The following C20orf96 variants were observed in gnomAD, a reference collection of about 807,000 sequenced individuals.
C20orf96 encodes chromosome 20 open reading frame 96.
A neutral mutation model predicts 52.6 loss-of-function variants in C20orf96; 57 were observed. The ratio of observed to expected loss-of-function variants is 1.08; its 90% CI spans 0.88 to 1.35. The LOEUF (loss-of-function observed/expected upper bound fraction) is 1.35, where lower values mean the gene tolerates loss of function less well. Ranked by LOEUF, C20orf96 falls within the 40% of genes most tolerant of loss-of-function variation. The pLI, the probability that C20orf96 is intolerant of heterozygous loss-of-function variation, is 0.00. For missense variants in C20orf96, 478 were observed against 443.6 expected, an observed-to-expected ratio of 1.08 and a Z score of -0.70; for synonymous variants, 168 against 157.2, an observed-to-expected ratio of 1.07 and a Z score of -0.51.
At position 278,384 on chromosome 20, in the gene C20orf96, G is replaced by A. The variant is rs1340308451; in HGVS notation, c.511C>T (p.Gln171Ter). The A allele has an allele frequency of 6.2e-7, 1 of 1,613,798 alleles. No individual in the cohort carries two copies. The highest frequency in any genetic ancestry group is 8.5e-7 in the Non-Finnish European group (1 of 1,179,932). ...CACTCCTGAAGCTCAGATTTCAATT[G>A]CTGCAGCCTCTTCTTGTTTGAGTAC... ...LEYSNKKRLQ[Q>*]LKSELQEWEE... Residue 171 changes from glutamine to a stop codon, truncating the protein, a stop_gained, in exon 6 of 11, where the codon CAA becomes TAA. Transcript: ENST00000360321. LOFTEE classifies it high-confidence loss of function.
intron 4 of C20orf96, among the ~76,000 whole-genome samples, chr20:279,751 C>T (rs2012200888): frequency 6.6e-6 from 1 of 152,132 alleles, no homozygotes; most frequent in Non-Finnish European, 1.5e-5. Flanking sequence ...GTGGGCCGAT[C>T]ACGAGGTCAA....
intron 3 of C20orf96, among the ~76,000 whole-genome samples, chr20:287,289 T>C (rs745698154): frequency 3.3e-5 from 5 of 152,230 alleles, no homozygotes; most frequent in African/African-American, 9.6e-5. Context: ...CCACCAGCAA[T>C]TGCGCACAAT....
chr20:274,316 T>C (rs2011947760), intron 10 of C20orf96, among the ~76,000 whole-genome samples: 2 of 152,058 alleles, frequency 1.3e-5, no homozygotes, highest in African/African-American at 4.8e-5. Context: ...AAAGGGGGTA[T>C]GACCACCAGA....
At chr20:280,459 T>G (rs2012224310) in intron 4 of C20orf96, among the ~76,000 whole-genome samples, 1 of 152,256 alleles carries the variant, frequency 6.6e-6, no homozygotes, top group African/African-American at 2.4e-5. Flanking sequence ...TGTGCCTTGC[T>G]CTGCAGGTGG....
chr20:277,463 G>A lies in C20orf96; in HGVS notation c.566-80C>T, dbSNP rs571449004. 8.7e-6 allele frequency: 13 copies of A among 1,486,978 alleles called. No homozygotes were observed. In the East Asian group the frequency reaches 2.3e-4, roughly 26 times the overall value. 92.1% of individuals were successfully genotyped at this position (1,486,978 alleles called of 1,614,324 possible). ...CACCTGGGCCCCAGGAGGCCCAGGA[G>A]GCAAGGTCTCCTTGGCCAGTAACTG... On this transcript the variant is annotated intron_variant, in intron 6 of 10. Coordinates refer to ENST00000360321, the MANE Select transcript of C20orf96 (RefSeq NM_153269.3).
intron 3 of C20orf96, among the ~76,000 whole-genome samples, chr20:289,066 G>GTT (rs1054119759): frequency 6.6e-6 from 1 of 152,064 alleles, no homozygotes; most frequent in African/African-American, 2.4e-5. Context: ...ACCAAACCTT[G>GTT]TTTTCTTTTC....
In C20orf96 at chr20:283,431, G is replaced by A. The variant is rs1033275482; in HGVS notation, c.306+532C>T. On this transcript the variant is annotated intron_variant, in intron 4 of 10. Transcript: ENST00000360321. ...CCGGTCTCCTGCCTCAGCCTCCCGA[G>A]TAGCTGGGACTACAGGTGCGTGCTA... Among the ~76,000 whole-genome samples the A allele has an allele frequency of 7.9e-5, 12 of 152,122 alleles. No homozygotes were observed. In the East Asian group the frequency reaches 2.1e-3, roughly 27 times the overall value.
intron 6 of C20orf96, 61 bp from the exon 7 acceptor site, chr20:277,444 G>A: frequency 6.4e-7 from 1 of 1,573,002 alleles, no homozygotes; most frequent in Admixed American, 1.8e-5. Flanking sequence ...CAAGCACCTG[G>A]GCCCCAGGAG....
At chr20:282,623 C>G (rs190295771) in intron 4 of C20orf96, among the ~76,000 whole-genome samples, 144 of 152,294 alleles carry the variant, frequency 9.5e-4, no homozygotes, top group African/African-American at 3.3e-3. Context: ...ATAATCCCAG[C>G]ACTTTGGGAG....
chr20:276,995 TG>T (rs1156286097), intron 8 of C20orf96, 48 bp downstream of exon 8: 2 of 1,593,766 alleles, frequency 1.3e-6, no homozygotes, highest in East Asian at 4.5e-5. Flanking sequence ...GAGGGCGGGG[TG>T]GGGGTGAGAC....
At chr20:282,037 T>C (rs1327134165) in intron 4 of C20orf96, among the ~76,000 whole-genome samples, 1 of 152,162 alleles carries the variant, frequency 6.6e-6, no homozygotes, top group Non-Finnish European at 1.5e-5. Context: ...AGAGCTGTCA[T>C]CCTTGAAGTC....
At chr20:290,211 G>C (rs537650032) in intron 2 of C20orf96, 48 bp downstream of exon 2, 17 of 1,446,328 alleles carry the variant, frequency 1.2e-5, no homozygotes, top group Non-Finnish European at 1.6e-5. Context: ...CAGGTGGACT[G>C]CAGGGCCAGC....
intron 10 of C20orf96, 116 bp downstream of exon 10, chr20:275,851 CT>C (rs1409002875): frequency 1.5e-5 from 14 of 938,172 alleles, no homozygotes; most frequent in Non-Finnish European, 2.1e-5. Flanking sequence ...AGGACCGCCC[CT>C]CCCTCCCTGT....
chr20:271,705 G>A (rs1025127263), intron 10 of C20orf96, among the ~76,000 whole-genome samples: 2 of 152,156 alleles, frequency 1.3e-5, no homozygotes, highest in East Asian at 1.9e-4. Context: ...TGGCACTTAA[G>A]TGAAAAGCAC....
intron 3 of C20orf96, among the ~76,000 whole-genome samples, chr20:285,143 G>A (rs761303793): frequency 6.6e-6 from 1 of 152,110 alleles, no homozygotes; most frequent in Non-Finnish European, 1.5e-5. Context: ...AACACCAGAC[G>A]AAGGCACAGC....
intron 3 of C20orf96, among the ~76,000 whole-genome samples, chr20:287,908 C>CAAAAAAAAA (rs71327437): frequency 0.19 from 11,880 of 62,434 alleles, 1,415 homozygotes; most frequent in East Asian, 0.27. Context: ...GACTCCTTCT[C>CAAAAAAAAA]AAAAAAAAAA....
At chr20:274,362 G>A (rs2011949511) in intron 10 of C20orf96, among the ~76,000 whole-genome samples, 1 of 152,110 alleles carries the variant, frequency 6.6e-6, no homozygotes, top group East Asian at 1.9e-4. Flanking sequence ...GACACAGGGA[G>A]CCCAGTCCCT....
At chr20:284,163 T>A in intron 3 of C20orf96, 82 bp from the exon 4 acceptor site, 1 of 1,010,026 alleles carries the variant, frequency 9.9e-7, no homozygotes, top group Non-Finnish European at 1.6e-6. Context: ...GCACCATTAA[T>A]GAGAGGAGGG....
chr20:283,814 T>C (rs553385230), intron 4 of C20orf96, 149 bp downstream of exon 4: 2 of 611,238 alleles, frequency 3.3e-6, no homozygotes, highest in South Asian at 2.0e-5. Context: ...GTTTGTAAAA[T>C]AGGAACAAGG....
Sources: gnomAD v4.1 joint callset for allele counts (sites outside exome capture counted in the v4.1 genomes callset) on GRCh38, gnomAD v4.1.1 for gene constraint, MANE v1.5 for transcripts, NCBI Gene and HGNC (gene_info 2026-07-23, HGNC 2026-07-21) for gene names.